Variants in XPO6 observed in about 807,000 individuals in gnomAD.
XPO6 encodes exportin-6.
In XPO6, 3 loss-of-function variants were observed where a neutral mutation model predicts 130.0. The observed-to-expected ratio is 0.02, with a 90% CI of 0.01 to 0.06. XPO6 has a LOEUF of 0.06. Ranked by LOEUF, XPO6 falls within the 10% of genes least tolerant of loss-of-function variation. XPO6 has a pLI of 1.00. For missense variants in XPO6, 970 were observed against 1,393.0 expected (o/e 0.70, Z 4.83); for synonymous variants, 524 against 548.9 (o/e 0.95, Z 0.63).
At chr16:28,102,630 C>T (rs1450538373) in intron 21 of XPO6, among the ~76,000 whole-genome samples, 2 of 152,040 alleles carry the variant, frequency 1.3e-5, no homozygotes, top group Admixed American at 6.6e-5. Flanking sequence ...CACAGCTACT[C>T]GGGAGGCTGA....
intron 13 of XPO6, among the ~76,000 whole-genome samples, chr16:28,124,392 C>T (rs764421889): frequency 4.6e-5 from 7 of 152,172 alleles, no homozygotes; most frequent in Non-Finnish European, 1.5e-5. Flanking sequence ...TATTGCTTAA[C>T]AGAGTAAGTT....
intron 6 of XPO6, among the ~76,000 whole-genome samples, chr16:28,159,779 G>T (rs1302587865): frequency 6.6e-6 from 1 of 152,120 alleles, no homozygotes; most frequent in Admixed American, 6.5e-5. Flanking sequence ...GTACAAAATT[G>T]ATTTTTATCA....
intron 23 of XPO6, 33 bp from the exon 24 acceptor site, chr16:28,098,672 C>T (rs769014849): frequency 2.0e-6 from 3 of 1,535,068 alleles, no homozygotes; most frequent in Non-Finnish European, 2.7e-6. Flanking sequence ...CAGCCAACAA[C>T]ACACCAGGTC....
At chr16:28,099,825 G>A (rs1476359051) in intron 23 of XPO6, among the ~76,000 whole-genome samples, 2 of 152,180 alleles carry the variant, frequency 1.3e-5, no homozygotes, top group South Asian at 2.1e-4. Context: ...CACACAGTGC[G>A]TGACTGAATG....
intron 9 of XPO6, among the ~76,000 whole-genome samples, chr16:28,138,708 A>G (rs965628454): frequency 6.6e-6 from 1 of 152,136 alleles, no homozygotes; most frequent in African/African-American, 2.4e-5. Flanking sequence ...AAAAGCAGCT[A>G]CTGGGTGGGA....
chr16:28,102,529 G>A (rs1277113633), intron 21 of XPO6, among the ~76,000 whole-genome samples: 1 of 152,126 alleles, frequency 6.6e-6, no homozygotes, highest in Non-Finnish European at 1.5e-5. Flanking sequence ...CTGAAGGGTG[G>A]GAGTTCAAGA....
chr16:28,100,419 G>C (rs1358624188), intron 23 of XPO6, among the ~76,000 whole-genome samples: 2 of 152,250 alleles, frequency 1.3e-5, no homozygotes, highest in African/African-American at 2.4e-5. Context: ...GGGCTGAAGT[G>C]AACTGGAAGA....
In XPO6 at chr16:28,106,400, G is replaced by A. The variant is rs772574685; in HGVS notation, c.2595C>T (p.Phe865=). 6.2e-7 allele frequency: 1 copy of A among 1,613,954 alleles called. No individual in the cohort carries two copies. The highest frequency in any genetic ancestry group is 8.5e-7 in the Non-Finnish European group (1 of 1,179,914). ...GTGCTTACCTGGTAAACATGTTGAG[G>A]AAAGTCTGTATGATTTGCTCAGTGA... ...VPFTEQIIQT[F]LNMFTREQLA... is the part of the protein sequence containing the mutation. The change falls in exon 19 of 24, where the codon TTC becomes TTT. Residue 865 remains phenylalanine (F), a synonymous_variant. Transcript: ENST00000304658. This position sits in a 1 kb window ranked among gnomAD's most constrained non-coding sequence, Gnocchi z 4.2.
Position 28,098,448 on chromosome 16 carries a change from C to T in XPO6, c.*90G>A. ...CGGTGGGAGAAGCCAAGGAGTGTGA[C>T]CAAGGCCCATCTGGGAGACATCTGT... On this transcript the variant is annotated 3_prime_UTR_variant, in exon 24 of 24. Transcript: ENST00000304658. 8.3e-7 allele frequency: 1 copy of T among 1,199,718 alleles called. No homozygotes were observed. Among genetic ancestry groups the T allele is most frequent in the South Asian group, 1.4e-5 (1 of 72,776 alleles). 74.3% of individuals were successfully genotyped at this position (1,199,718 alleles called of 1,614,324 possible). A position where few individuals can be genotyped will look rare whatever the true frequency, so the allele number is the denominator to read the frequency against.
intron 13 of XPO6, among the ~76,000 whole-genome samples, chr16:28,123,250 C>T (rs1038085685): frequency 6.6e-6 from 1 of 152,010 alleles, no homozygotes; most frequent in Non-Finnish European, 1.5e-5. Flanking sequence ...GGACTACAGG[C>T]GCATGCCACC....
At chr16:28,168,991 A>G (rs1483163788) in intron 5 of XPO6, among the ~76,000 whole-genome samples, 1 of 152,202 alleles carries the variant, frequency 6.6e-6, no homozygotes, top group African/African-American at 2.4e-5. Context: ...CTGGAGATAT[A>G]AAGAAAGTTC....
At chr16:28,161,616 A>G (rs1432958481) in intron 6 of XPO6, among the ~76,000 whole-genome samples, 6 of 152,236 alleles carry the variant, frequency 3.9e-5, no homozygotes, top group Non-Finnish European at 8.8e-5. Context: ...TGGTAAAAGC[A>G]GTAACAGCCA....
At chr16:28,182,846 C>T (rs1282994665) in intron 1 of XPO6, among the ~76,000 whole-genome samples, 1 of 151,842 alleles carries the variant, frequency 6.6e-6, no homozygotes. Context: ...AAAAGAACGC[C>T]GTAGTCTGTT....
chr16:28,107,077 A>G (rs1345264982), intron 18 of XPO6, among the ~76,000 whole-genome samples: 1 of 152,194 alleles, frequency 6.6e-6, no homozygotes, highest in African/African-American at 2.4e-5. Flanking sequence ...TGCAAGAGGC[A>G]ATGAATATTT....
intron 6 of XPO6, among the ~76,000 whole-genome samples, chr16:28,163,359 T>C (rs944599987): frequency 6.6e-6 from 1 of 152,220 alleles, no homozygotes; most frequent in African/African-American, 2.4e-5. Context: ...CTGAAGAACT[T>C]TTCATCATCA....
intron 1 of XPO6, among the ~76,000 whole-genome samples, chr16:28,199,158 TTAAA>T (rs2043914494): frequency 2.0e-5 from 3 of 152,080 alleles, no homozygotes; most frequent in Admixed American, 1.3e-4. Flanking sequence ...TGAAATTAAA[TTAAA>T]TAAACAAACC....
chr16:28,119,073 T>A (rs1596811155), intron 14 of XPO6, among the ~76,000 whole-genome samples: 1 of 152,114 alleles, frequency 6.6e-6, no homozygotes, highest in African/African-American at 2.4e-5. Flanking sequence ...AGGAGTGCAG[T>A]GGCACAATCA....
chr16:28,106,408 G>T lies in XPO6; in HGVS notation c.2587C>A (p.Gln863Lys). The change falls in exon 19 of 24, where the codon CAG (glutamine) becomes AAG (lysine). Residue 863 changes from glutamine to lysine, a missense_variant. Physicochemically the swap from Gln to Lys is moderately conservative, Grantham distance 53. Coordinates refer to ENST00000304658, the MANE Select transcript of XPO6 (RefSeq NM_015171.4). This position sits in a 1 kb window ranked among gnomAD's most constrained non-coding sequence, Gnocchi z 4.2. ...MGVPFTEQII[Q>K]TFLNMFTREQ... ...CTGGTAAACATGTTGAGGAAAGTCT[G>T]TATGATTTGCTCAGTGAAAGGCACA... The T allele has an allele frequency of 6.2e-7, 1 of 1,614,170 alleles. No homozygotes were observed. The highest frequency in any genetic ancestry group is 8.5e-7 in the Non-Finnish European group (1 of 1,179,976).
chr16:28,111,736 T>A, intron 17 of XPO6, 81 bp downstream of exon 17: 1 of 1,527,090 alleles, frequency 6.5e-7, no homozygotes, highest in Non-Finnish European at 8.9e-7. Context: ...CTCAGGAGCC[T>A]CCGGGGCAAA....
Sources: gnomAD v4.1 joint callset for allele counts (sites outside exome capture counted in the v4.1 genomes callset) on GRCh38, gnomAD v4.1.1 for gene constraint, Gnocchi (gnomAD v3.1) non-coding constraint, MANE v1.5 for transcripts, NCBI Gene and HGNC (gene_info 2026-07-23, HGNC 2026-07-21) for gene names.